The following SLC10A7 variants were observed in gnomAD, a reference collection of about 807,000 sequenced individuals.
SLC10A7 encodes sodium/bile acid cotransporter 7.
A neutral mutation model predicts 43.2 loss-of-function variants in SLC10A7; 29 were observed. That is an observed-to-expected ratio of 0.67 (90% CI 0.50 to 0.92). SLC10A7 has a LOEUF of 0.92. Among genes scored for constraint, SLC10A7 ranks in the 40% least tolerant of loss-of-function variants. SLC10A7 has a pLI of 0.00. For missense variants in SLC10A7, 295 were observed against 403.2 expected (o/e 0.73, Z 2.30); for synonymous variants, 152 against 144.8 (o/e 1.05, Z -0.35).
intron 5 of SLC10A7, among the ~76,000 whole-genome samples, chr4:146,368,388 T>C (rs2149774426): frequency 6.6e-6 from 1 of 152,312 alleles, no homozygotes; most frequent in East Asian, 1.9e-4. Flanking sequence ...ACAGTACAAA[T>C]GTTCTCTCCA....
At chr4:146,430,859 T>C (rs952056086) in intron 5 of SLC10A7, among the ~76,000 whole-genome samples, 1 of 152,128 alleles carries the variant, frequency 6.6e-6, no homozygotes, top group Non-Finnish European at 1.5e-5. Flanking sequence ...GTAGAATTTT[T>C]TTCCCCTGAT....
At chr4:146,334,787 A>G (rs1380344105) in intron 5 of SLC10A7, among the ~76,000 whole-genome samples, 5 of 152,130 alleles carry the variant, frequency 3.3e-5, no homozygotes, top group African/African-American at 9.7e-5. Context: ...ACAGATGAAC[A>G]TAGGCTTGAA....
intron 5 of SLC10A7, among the ~76,000 whole-genome samples, chr4:146,418,215 T>A (rs891482209): frequency 6.6e-6 from 1 of 152,178 alleles, no homozygotes; most frequent in Non-Finnish European, 1.5e-5. Flanking sequence ...TCACAAAACA[T>A]TCAAACATTG....
At chr4:146,499,226 T>C (rs1431432472) in intron 4 of SLC10A7, among the ~76,000 whole-genome samples, 2 of 152,212 alleles carry the variant, frequency 1.3e-5, no homozygotes, top group Non-Finnish European at 2.9e-5. Flanking sequence ...AAGAACATTT[T>C]GCAAGGACAA....
intron 6 of SLC10A7, among the ~76,000 whole-genome samples, chr4:146,319,955 T>A (rs1400611756): frequency 2.0e-5 from 3 of 152,062 alleles, no homozygotes. Flanking sequence ...GCGAAGAATA[T>A]GGCTACAGAT....
At chr4:146,292,887 C>A in intron 9 of SLC10A7, 42 bp downstream of exon 9, 1 of 1,421,012 alleles carries the variant, frequency 7.0e-7, no homozygotes. Flanking sequence ...CGCATGATTC[C>A]TAATTTAGAA....
intron 8 of SLC10A7, 102 bp downstream of exon 8, chr4:146,293,828 T>C (rs1380396839): frequency 3.0e-6 from 2 of 673,152 alleles, no homozygotes; most frequent in African/African-American, 1.8e-5. Flanking sequence ...CATTCATTTC[T>C]AGTCAAATTA....
intron 5 of SLC10A7, among the ~76,000 whole-genome samples, chr4:146,345,189 T>C (rs1011886929): frequency 1.3e-5 from 2 of 152,102 alleles, no homozygotes; most frequent in Non-Finnish European, 2.9e-5. Flanking sequence ...CAGGCTCAGG[T>C]GGAATGACCC....
intron 4 of SLC10A7, among the ~76,000 whole-genome samples, chr4:146,468,131 A>G (rs760629357): frequency 5.8e-4 from 89 of 152,366 alleles, no homozygotes; most frequent in Middle Eastern, 3.4e-3. Context: ...AACTACTTCA[A>G]GCCTCTATTC....
intron 4 of SLC10A7, among the ~76,000 whole-genome samples, chr4:146,445,746 G>C (rs1730995577): frequency 6.6e-6 from 1 of 152,138 alleles, no homozygotes; most frequent in African/African-American, 2.4e-5. Context: ...GAGGGAAAGG[G>C]AGCTGGAAAC....
chr4:146,508,420 G>A (rs976509359), intron 3 of SLC10A7, among the ~76,000 whole-genome samples: 3 of 152,144 alleles, frequency 2.0e-5, no homozygotes, highest in African/African-American at 7.2e-5. Flanking sequence ...CTAAAATGAT[G>A]TCATCATATT....
intron 5 of SLC10A7, among the ~76,000 whole-genome samples, chr4:146,355,225 A>T (rs375324840): frequency 6.6e-6 from 1 of 152,076 alleles, no homozygotes; most frequent in Non-Finnish European, 1.5e-5. Flanking sequence ...AAAAGTGGGC[A>T]AAGGACATGA....
At chr4:146,371,149 T>C (rs558382919) in intron 5 of SLC10A7, among the ~76,000 whole-genome samples, 2 of 152,316 alleles carry the variant, frequency 1.3e-5, no homozygotes, top group South Asian at 4.1e-4. Flanking sequence ...TGTACTCTGA[T>C]ATGACAGAAC....
At chr4:146,448,944 T>C (rs1173880951) in intron 4 of SLC10A7, among the ~76,000 whole-genome samples, 1 of 152,176 alleles carries the variant, frequency 6.6e-6, no homozygotes, top group African/African-American at 2.4e-5. Context: ...TTTTCCTCCT[T>C]CTCTACAGGA....
At chr4:146,390,815 T>A (rs1227794473) in intron 5 of SLC10A7, among the ~76,000 whole-genome samples, 2 of 152,084 alleles carry the variant, frequency 1.3e-5, no homozygotes, top group Admixed American at 6.6e-5. Flanking sequence ...GCATTGTAAG[T>A]ACTTCTTGCT....
chr4:146,332,003 T>C (rs1733569695), intron 5 of SLC10A7, among the ~76,000 whole-genome samples: 1 of 152,064 alleles, frequency 6.6e-6, no homozygotes, highest in Non-Finnish European at 1.5e-5. Flanking sequence ...GATACATAAC[T>C]GAGAAAACTT....
At chr4:146,284,950 G>A (rs1729793700) in intron 9 of SLC10A7, among the ~76,000 whole-genome samples, 1 of 152,138 alleles carries the variant, frequency 6.6e-6, no homozygotes, top group Admixed American at 6.5e-5. Flanking sequence ...AGCTTGGCAG[G>A]GAAAGTAGGA....
intron 4 of SLC10A7, 40 bp from the exon 5 acceptor site, chr4:146,442,861 G>C: frequency 7.4e-7 from 1 of 1,344,918 alleles, no homozygotes; most frequent in Non-Finnish European, 1.0e-6. Flanking sequence ...CTCATTGAAA[G>C]TAAATAAGAA....
At chr4:146,462,960 T>C (rs977956059) in intron 4 of SLC10A7, among the ~76,000 whole-genome samples, 5 of 152,162 alleles carry the variant, frequency 3.3e-5, no homozygotes, top group Non-Finnish European at 4.4e-5. Context: ...GATCTTAAGC[T>C]GTGATTAAAA....
Sources: allele counts gnomAD v4.1 joint callset (sites outside exome capture counted in the v4.1 genomes callset), GRCh38; gene constraint gnomAD v4.1.1; transcripts MANE v1.5; gene names NCBI Gene and HGNC (gene_info 2026-07-23, HGNC 2026-07-21).